SCNN1G: variants seen among roughly 807,000 people sequenced by gnomAD.
SCNN1G encodes the protein sodium channel epithelial 1 subunit gamma.
SCNN1G carries 27 observed loss-of-function variants against 64.6 expected under a neutral mutation model. That is an observed-to-expected ratio of 0.42 (90% CI 0.31 to 0.58). The LOEUF is 0.58. Among genes scored for constraint, SCNN1G ranks in the 20% least tolerant of loss-of-function variants. The pLI is 0.18. For synonymous variants in SCNN1G, 330 were observed against 314.2 expected (o/e 1.05, Z -0.53); for missense variants, 743 against 823.4 (o/e 0.90, Z 1.19).
At chr16:23,209,924 G>A in intron 7 of SCNN1G, 76 bp downstream of exon 7, 1 of 1,022,420 alleles carries the variant, frequency 9.8e-7, no homozygotes, top group Non-Finnish European at 1.5e-6. Context: ...CTAAGCTGGG[G>A]TGTGGCTTGC....
At chr16:23,193,132 A>C (rs1959739000) in intron 4 of SCNN1G, among the ~76,000 whole-genome samples, 1 of 151,270 alleles carries the variant, frequency 6.6e-6, no homozygotes, top group African/African-American at 2.4e-5. Context: ...GCACAAAAGT[A>C]ATTGCTGTTT....
rs889371267 is a variant in SCNN1G, at chr16:23,187,717, C to A, written c.317+1129C>A. Among the ~76,000 whole-genome samples the A allele has an allele frequency of 2.0e-5, 3 of 152,224 alleles. No individual in the cohort carries two copies. In the South Asian group the frequency reaches 6.2e-4, roughly 32 times the overall value. On this transcript the variant is annotated intron_variant, in intron 2 of 12. Transcript: ENST00000300061. ...AGCCCCATTAATTGAGCTCATCGGG[C>A]CCTGGGTGTGATCAGCCCTTGGGAC...
At chr16:23,197,054 G>A (rs1959807003) in intron 5 of SCNN1G, among the ~76,000 whole-genome samples, 1 of 152,218 alleles carries the variant, frequency 6.6e-6, no homozygotes, top group Non-Finnish European at 1.5e-5. Flanking sequence ...TTGAACCCCT[G>A]TTTTGGGCTA....
At chr16:23,208,949 A>G (rs1240413987) in intron 6 of SCNN1G, among the ~76,000 whole-genome samples, 1 of 152,032 alleles carries the variant, frequency 6.6e-6, no homozygotes, top group East Asian at 1.9e-4. Flanking sequence ...TGGATTTGCC[A>G]ACTGCAAATT....
intron 11 of SCNN1G, among the ~76,000 whole-genome samples, chr16:23,213,687 G>A (rs1210065353): frequency 6.6e-6 from 1 of 152,224 alleles, no homozygotes; most frequent in East Asian, 1.9e-4. Context: ...TGCTGGGCCT[G>A]CCTGCCATGA....
chr16:23,196,714 A>G (rs925338046), intron 5 of SCNN1G, among the ~76,000 whole-genome samples: 6 of 152,236 alleles, frequency 3.9e-5, no homozygotes, highest in Admixed American at 3.3e-4. Context: ...TCCATGGCAG[A>G]GCCAGGACTC....
At chr16:23,210,406 A>G (rs995561476) in intron 7 of SCNN1G, among the ~76,000 whole-genome samples, 7 of 152,206 alleles carry the variant, frequency 4.6e-5, no homozygotes, top group African/African-American at 1.7e-4. Context: ...ATACAGCAAC[A>G]TTGAGCCCAT....
At chr16:23,209,533 G>A (rs1960045094) in intron 6 of SCNN1G, among the ~76,000 whole-genome samples, 1 of 152,142 alleles carries the variant, frequency 6.6e-6, no homozygotes, top group Admixed American at 6.5e-5. Flanking sequence ...TTCCAGGAGA[G>A]CAGGGAACTT....
Position 23,209,806 on chromosome 16 carries a change from C to A in SCNN1G, c.1134C>A (p.Asp378Glu), listed in dbSNP as rs770224385. 6.2e-7 allele frequency: 1 copy of A among 1,613,936 alleles called. No individual in the cohort carries two copies. Among genetic ancestry groups the A allele is most frequent in the African/African-American group, 1.3e-5 (1 of 74,916 alleles). The change falls in exon 7 of 13, where the codon GAC (aspartate) becomes GAA (glutamate). Residue 378 changes from aspartate to glutamate, a missense_variant. Asp to Glu is a conservative substitution (Grantham distance 45). Transcript: ENST00000300061. ...PYSQCTEDGSDVPIRNIYNAA... is the reference protein window; with the variant it reads ...PYSQCTEDGSEVPIRNIYNAA... ...GTCAGTGCACGGAGGACGGGAGTGA[C>A]GTGCCAATCAGGAACATCTACAACG...
At chr16:23,199,663 C>CTTTTTTTTTTTT (rs67132706) in intron 6 of SCNN1G, among the ~76,000 whole-genome samples, 9 of 59,656 alleles carry the variant, frequency 1.5e-4, no homozygotes, top group South Asian at 7.6e-4. Context: ...CTTTTCTTTT[C>CTTTTTTTTTTTT]TTTTTTTTTT....
chr16:23,195,747 ATTGTTTACAAG>A (rs1359079218), intron 5 of SCNN1G, among the ~76,000 whole-genome samples: 3 of 151,870 alleles, frequency 2.0e-5, no homozygotes, highest in African/African-American at 7.2e-5. Flanking sequence ...ATTGTTTGCA[ATTGTTTACAAG>A]TTGTTTACAC....
chr16:23,208,058 T>C (rs1212942465), intron 6 of SCNN1G, among the ~76,000 whole-genome samples: 11 of 152,252 alleles, frequency 7.2e-5, no homozygotes, highest in Admixed American at 7.2e-4. Flanking sequence ...TCACTATTTA[T>C]CTTCCATTGA....
At chr16:23,202,574 C>A (rs1959910372) in intron 6 of SCNN1G, among the ~76,000 whole-genome samples, 4 of 152,120 alleles carry the variant, frequency 2.6e-5, no homozygotes. Flanking sequence ...TTCAAAAAAT[C>A]ATTTTAGTGG....
chr16:23,203,539 G>C (rs1487478851), intron 6 of SCNN1G, among the ~76,000 whole-genome samples: 1 of 152,010 alleles, frequency 6.6e-6, no homozygotes, highest in Non-Finnish European at 1.5e-5. Flanking sequence ...GGGAGGCTGA[G>C]GTGGGCAGAT....
chr16:23,203,297 G>A (rs781151556), intron 6 of SCNN1G, among the ~76,000 whole-genome samples: 5 of 152,114 alleles, frequency 3.3e-5, no homozygotes, highest in Admixed American at 1.3e-4. Context: ...GCAGTGGGTC[G>A]AATGGTGAAT....
At chr16:23,203,769 CAAAAAAAA>C (rs71151702) in intron 6 of SCNN1G, among the ~76,000 whole-genome samples, 2 of 42,268 alleles carry the variant, frequency 4.7e-5, no homozygotes, top group African/African-American at 2.7e-4. Flanking sequence ...GACTCCGTCT[CAAAAAAAA>C]AAAAAAAAAA....
chr16:23,214,909 C>T, intron 12 of SCNN1G, 122 bp downstream of exon 12: 2 of 1,089,338 alleles, frequency 1.8e-6, no homozygotes, highest in East Asian at 4.9e-5. Flanking sequence ...CTGTTGTAGG[C>T]TAGCCAGGTC....
chr16:23,191,797 A>G (rs1404316761), intron 3 of SCNN1G, among the ~76,000 whole-genome samples: 1 of 152,180 alleles, frequency 6.6e-6, no homozygotes, highest in Non-Finnish European at 1.5e-5. Flanking sequence ...GGAATGTATA[A>G]TGGCTTCTCT....
rs1441053096 is a variant in SCNN1G at position 23,189,384 on chromosome 16, C to T, written c.331C>T (p.Arg111Cys). 28 of 1,613,654 alleles carry T rather than the reference C, an allele frequency of 1.7e-5. No individual in the cohort carries two copies. The highest frequency in any genetic ancestry group is 2.2e-5 in the Non-Finnish European group (26 of 1,180,024). ...NINPYKYSTVRHLLADLEQET... is the reference protein window; with the variant it reads ...NINPYKYSTVCHLLADLEQET... ...CCACCTTGGCAGGTACAGCACCGTTCGCCACCTTCTAGCTGACTTGGAACA... is the reference window on the plus strand; with the variant it reads ...CCACCTTGGCAGGTACAGCACCGTTTGCCACCTTCTAGCTGACTTGGAACA... The change falls in exon 3 of 13, where the codon CGC becomes TGC. Residue 111 changes from arginine (R) to cysteine (C), a missense_variant. Arg to Cys is a radical substitution (Grantham distance 180, BLOSUM62 -3). Coordinates refer to ENST00000300061, the MANE Select transcript of SCNN1G (RefSeq NM_001039.4).
Sources: allele counts gnomAD v4.1 joint callset (sites outside exome capture counted in the v4.1 genomes callset), GRCh38; gene constraint gnomAD v4.1.1; transcripts MANE v1.5; gene names NCBI Gene and HGNC (gene_info 2026-07-23, HGNC 2026-07-21).